PRPF40B: variants seen among roughly 807,000 people sequenced by gnomAD.
The protein encoded by PRPF40B is pre-mRNA processing factor 40B, also known as pre-mRNA-processing factor 40 homolog B.
Under a neutral mutation model 124.5 loss-of-function variants are expected in PRPF40B, and 56 were observed. That is an observed-to-expected ratio of 0.45 (90% CI 0.36 to 0.56). PRPF40B has a LOEUF of 0.56. PRPF40B is among the 20% of genes least tolerant of loss of function. PRPF40B has a pLI of 0.00. For synonymous variants in PRPF40B, 443 were observed against 426.4 expected, an observed-to-expected ratio of 1.04 and a Z score of -0.48; for missense variants, 1,053 against 1,169.5, an observed-to-expected ratio of 0.90 and a Z score of 1.45.
At chr12:49,633,719 A>C in intron 9 of PRPF40B, 58 bp downstream of exon 9, 1 of 1,611,400 alleles carries the variant, frequency 6.2e-7, no homozygotes, top group Non-Finnish European at 8.5e-7. Context: ...GTGGAAGTAG[A>C]CTCTGTCGCC....
intron 16 of PRPF40B, 135 bp from the exon 17 acceptor site, chr12:49,637,335 C>G: frequency 1.6e-6 from 1 of 637,586 alleles, no homozygotes; most frequent in Non-Finnish European, 2.8e-6. Flanking sequence ...ATCTCTTCAT[C>G]TCTGCCTCTC....
At position 49,631,823 on chromosome 12, in the gene PRPF40B, C is replaced by T; in HGVS notation, c.229-37C>T. On this transcript the variant is annotated intron_variant, in intron 3 of 25. Transcript: ENST00000548825. The surrounding 1 kb of genome is among the most constrained non-coding windows in gnomAD (Gnocchi z 4.3). Reference sequence around the variant, plus strand: ...CCTGTCCCTCCTGTTCCAGCCCTTACCTTGGTGGTTGGTTTCTGTCTTCTT... The same window carrying T: ...CCTGTCCCTCCTGTTCCAGCCCTTATCTTGGTGGTTGGTTTCTGTCTTCTT... 1.9e-6 allele frequency: 3 copies of T among 1,591,502 alleles called. No individual in the cohort carries two copies. The highest frequency in any genetic ancestry group is 1.1e-5 in the South Asian group (1 of 90,602).
In PRPF40B at chr12:49,643,300, G is replaced by C. The variant is rs1409048742; in HGVS notation, c.2283G>C (p.Glu761Asp). Residue 761 changes from glutamate (E) to aspartate (D), a missense_variant, in exon 23 of 26, where the codon GAG becomes GAC. Coordinates refer to ENST00000548825, the MANE Select transcript of PRPF40B (RefSeq NM_001031698.3). Reference protein sequence around the residue: ...PPKRRRRNPSESGSEPSSSLD... With the variant: ...PPKRRRRNPSDSGSEPSSSLD... ...AGCGGAGGAGGCGGAACCCCTCAGA[G>C]TCAGGCTCTGAGCCCTCTTCCTCAC... The C allele has an allele frequency of 1.9e-6, 3 of 1,613,032 alleles. No individual in the cohort carries two copies. In the East Asian group the frequency reaches 6.7e-5, roughly 36 times the overall value.
At chr12:49,637,182 T>C in intron 16 of PRPF40B, 1 of 567,016 alleles carries the variant, frequency 1.8e-6, no homozygotes, top group Admixed American at 3.1e-5. Context: ...GGGGTGGCAG[T>C]GGTGGTGGTA....
chr12:49,635,066 C>G lies in PRPF40B; in HGVS notation c.1002-33C>G. 1 of 1,591,266 alleles carries G rather than the reference C, an allele frequency of 6.3e-7. No homozygotes were observed. Among genetic ancestry groups the G allele is most frequent in the Non-Finnish European group, 8.6e-7 (1 of 1,169,372 alleles). On this transcript the variant is annotated intron_variant, in intron 12 of 25. Coordinates refer to ENST00000548825, the MANE Select transcript of PRPF40B (RefSeq NM_001031698.3). The surrounding 1 kb of genome is among the most constrained non-coding windows in gnomAD (Gnocchi z 4.1). Reference sequence around the variant, plus strand: ...GTGCAGAGTGGTTCGGGTGACTTCTCTATCCCCACCCCACTCCTACCCTCT... The same window carrying G: ...GTGCAGAGTGGTTCGGGTGACTTCTGTATCCCCACCCCACTCCTACCCTCT...
chr12:49,637,378 G>C, intron 16 of PRPF40B, 92 bp from the exon 17 acceptor site: 1 of 819,158 alleles, frequency 1.2e-6, no homozygotes, highest in East Asian at 2.6e-5. Context: ...GATTGTCCCT[G>C]CCTCTTCCTC....
At chr12:49,623,169 G>A (rs1275700664), upstream of PRPF40B, among the ~76,000 whole-genome samples, 2 of 151,112 alleles carry the variant, frequency 1.3e-5, no homozygotes, top group African/African-American at 4.9e-5. Context: ...TACTGTAAAA[G>A]AGCTACACAG....
chr12:49,635,166 G>C lies in PRPF40B; in HGVS notation c.1069G>C (p.Glu357Gln), dbSNP rs757316079. The change falls in exon 13 of 26, where the codon GAG (glutamate) becomes CAG (glutamine). Residue 357 changes from glutamate to glutamine, a missense_variant. Transcript: ENST00000548825. The surrounding 1 kb of genome is among the most constrained non-coding windows in gnomAD (Gnocchi z 4.1). ...CTACAAGGCGCAGCGGGAGAAGGAG[G>C]AGAAGGAGGAGGCCCGGCTAAGGGC... Reference protein sequence around the residue: ...NAYKAQREKEEKEEARLRAKE... With the variant: ...NAYKAQREKEQKEEARLRAKE... The C allele has an allele frequency of 1.2e-6, 2 of 1,614,122 alleles. No individual in the cohort carries two copies. The highest frequency in any genetic ancestry group is 1.7e-6 in the Non-Finnish European group (2 of 1,180,024).
chr12:49,635,003 T>C lies in PRPF40B; in HGVS notation c.1002-96T>C, dbSNP rs552987627. The C allele has an allele frequency of 1.4e-3, 1,774 of 1,307,310 alleles. 4 individuals are homozygous for C. The highest frequency in any genetic ancestry group is 5.6e-3 in the Middle Eastern group (20 of 3,602). 81.0% of individuals were successfully genotyped at this position (1,307,310 alleles called of 1,614,324 possible). On this transcript the variant is annotated intron_variant, in intron 12 of 25. Coordinates refer to ENST00000548825, the MANE Select transcript of PRPF40B (RefSeq NM_001031698.3). This position sits in a 1 kb window ranked among gnomAD's most constrained non-coding sequence, Gnocchi z 4.1. ...CAGACATCTGTGCCCTTGGAGCCCC[T>C]GCAGCCTGCAGTGTCTCATGACCCT... is the stretch of plus-strand genomic sequence containing the variant.
chr12:49,642,129 G>A lies in PRPF40B; in HGVS notation c.1884+105G>A. The A allele has an allele frequency of 3.7e-6, 6 of 1,604,320 alleles. No individual in the cohort carries two copies. The South Asian group carries it at 5.5e-5, about 15-fold the overall frequency. On this transcript the variant is annotated intron_variant, in intron 19 of 25. Coordinates refer to ENST00000548825, the MANE Select transcript of PRPF40B (RefSeq NM_001031698.3). This position sits in a 1 kb window ranked among gnomAD's most constrained non-coding sequence, Gnocchi z 5.8. Reference sequence around the variant, plus strand: ...GACTATATTCCCAATTCAGGGGATGGTGGTAGAAGCCCAGACCCTAACTTT... The same window carrying A: ...GACTATATTCCCAATTCAGGGGATGATGGTAGAAGCCCAGACCCTAACTTT...
At chr12:49,643,040 A>G (rs1225100791) in intron 22 of PRPF40B, 24 bp downstream of exon 22, 1 of 1,611,422 alleles carries the variant, frequency 6.2e-7, no homozygotes, top group Admixed American at 1.7e-5. Flanking sequence ...TAGAAGGGAC[A>G]TGGGGTGAAG....
intron 17 of PRPF40B, 28 bp downstream of exon 17, chr12:49,637,612 G>T (rs746274382): frequency 1.2e-6 from 2 of 1,600,434 alleles, no homozygotes; most frequent in Non-Finnish European, 1.7e-6. Context: ...CCCCTTCTCT[G>T]GCCTGGCTTC....
rs1325767496 is a variant in PRPF40B, at chr12:49,643,342, T to G, written c.2325T>G (p.Ser775Arg). Residue 775 changes from serine to arginine, a missense_variant, in exon 23 of 26, where the codon AGT becomes AGG. Physicochemically the swap from Ser to Arg is moderately radical, Grantham distance 110. Coordinates refer to ENST00000548825, the MANE Select transcript of PRPF40B (RefSeq NM_001031698.3). ...EPSSSLDSVE[S>R]GGAALGGRGS... ...CTTCCTCACTTGATTCAGTTGAAAG[T>G]GGGGGTGCTGCCCTTGGAGGACGGG... 1.2e-6 allele frequency: 2 copies of G among 1,605,172 alleles called. No individual in the cohort carries two copies. Among genetic ancestry groups the G allele is most frequent in the East Asian group, 2.2e-5 (1 of 44,788 alleles).
rs1258111346 is a variant in PRPF40B at position 49,634,576 on chromosome 12, G to A, written c.975G>A (p.Lys325=). The part of the protein sequence containing the change: ...PSNASWEQAM[K]MVVTDPRYSA... Reference sequence around the variant, plus strand: ...ATGCCTCATGGGAACAGGCCATGAAGATGGTGGTCACCGACCCCCGTTACA... The same window carrying A: ...ATGCCTCATGGGAACAGGCCATGAAAATGGTGGTCACCGACCCCCGTTACA... Residue 325 remains lysine (K), a synonymous_variant, in exon 12 of 26, where the codon AAG becomes AAA. Transcript: ENST00000548825. 2 of 1,614,214 alleles carry A rather than the reference G, an allele frequency of 1.2e-6. No individual in the cohort carries two copies. The highest frequency in any genetic ancestry group is 2.2e-5 in the South Asian group (2 of 91,090).
chr12:49,637,409 C>T (rs1941979240), intron 16 of PRPF40B, 61 bp from the exon 17 acceptor site: 1 of 1,170,222 alleles, frequency 8.5e-7, no homozygotes, highest in African/African-American at 1.5e-5. Flanking sequence ...TCTCTTCCCC[C>T]TCAGTCTGTG....
Position 49,630,558 on chromosome 12 carries a change from C to T in PRPF40B, c.17C>T (p.Ser6Phe). 1 of 1,389,930 alleles carries T rather than the reference C, an allele frequency of 7.2e-7. No homozygotes were observed. Among genetic ancestry groups the T allele is most frequent in the East Asian group, 2.4e-5 (1 of 42,358 alleles). The allele number at this position is 1,389,930 out of a possible 1,614,324, so 86.1% of individuals were successfully genotyped here. A position where few individuals can be genotyped will look rare whatever the true frequency, so the allele number is the denominator to read the frequency against. Residue 6 changes from serine (S) to phenylalanine (F), a missense_variant, in exon 2 of 26, where the codon TCT (serine) becomes TTT (phenylalanine). Ser to Phe is a radical substitution (Grantham distance 155). This residue lies in a region of PRPF40B where 158 missense variants were observed against 117.3 expected (regional missense o/e 1.35). Transcript: ENST00000548825. MSVPD[S>F]GPRPPAAPAP... is the part of the protein sequence containing the mutation. ...CTCCCTCAACAGTCGGTTCCCGATT[C>T]TGGTCCCCGGCCCCCAGCAGCGCCT...
chr12:49,634,488 AG>A (rs756492161), intron 11 of PRPF40B, 33 bp downstream of exon 11: 1 of 1,614,108 alleles, frequency 6.2e-7, no homozygotes, highest in East Asian at 2.2e-5. Context: ...GAAGGTTTGG[AG>A]GGGGCTGGAG....
rs1400020430 is a variant in PRPF40B at position 49,631,743 on chromosome 12, G to A, written c.229-117G>A. ...CAGAATCTGGGGATTGCCTGAGGAA[G>A]TGCCCAAGTGAGGGTCATGGCTCCA... On this transcript the variant is annotated intron_variant, in intron 3 of 25. Coordinates refer to ENST00000548825, the MANE Select transcript of PRPF40B (RefSeq NM_001031698.3). This position sits in a 1 kb window ranked among gnomAD's most constrained non-coding sequence, Gnocchi z 4.3. 3.2e-6 allele frequency: 4 copies of A among 1,261,062 alleles called. No homozygotes were observed. Among genetic ancestry groups the A allele is most frequent in the African/African-American group, 2.9e-5 (2 of 67,820 alleles). The allele number at this position is 1,261,062 out of a possible 1,614,324, so 78.1% of individuals were successfully genotyped here.
chr12:49,629,115 G>A (rs1281115086), intron 1 of PRPF40B, among the ~76,000 whole-genome samples: 1 of 152,156 alleles, frequency 6.6e-6, no homozygotes, highest in African/African-American at 2.4e-5. Context: ...TAGTCATATG[G>A]CTGCGTATTC....
Sources: allele counts gnomAD v4.1 joint callset (sites outside exome capture counted in the v4.1 genomes callset), GRCh38; gene constraint gnomAD v4.1.1; regional missense constraint gnomAD v4.1.1; non-coding constraint Gnocchi (gnomAD v3.1); transcripts MANE v1.5; gene names NCBI Gene and HGNC (gene_info 2026-07-23, HGNC 2026-07-21).